Variants in TCF12 observed in about 807,000 individuals in gnomAD.
TCF12 encodes transcription factor 12, also known as DNA-binding protein HTF4.
Under a neutral mutation model 86.0 loss-of-function variants are expected in TCF12, and 45 were observed. That is an observed-to-expected ratio of 0.52 (90% CI 0.41 to 0.67). The LOEUF (loss-of-function observed/expected upper bound fraction) is 0.67. Among genes scored for constraint, TCF12 ranks in the 30% least tolerant of loss-of-function variants. The pLI is 0.00. For missense variants in TCF12, 881 were observed against 859.9 expected, an observed-to-expected ratio of 1.02 and a Z score of -0.31; for synonymous variants, 330 against 299.6, an observed-to-expected ratio of 1.10 and a Z score of -1.05.
At chr15:56,921,166 A>T in intron 3 of TCF12, 68 bp downstream of exon 3, 1 of 1,208,920 alleles carries the variant, frequency 8.3e-7, no homozygotes. Context: ...GAAAAATAGA[A>T]AGCATAACAT....
chr15:57,041,589 C>G (rs1465326199), intron 3 of TCF12, among the ~76,000 whole-genome samples: 1 of 152,070 alleles, frequency 6.6e-6, no homozygotes, highest in African/African-American at 2.4e-5. Context: ...AACCTGAAAA[C>G]AACAATGGCA....
At chr15:57,225,034 G>A (rs1379219423) in intron 8 of TCF12, among the ~76,000 whole-genome samples, 1 of 151,950 alleles carries the variant, frequency 6.6e-6, no homozygotes, top group Non-Finnish European at 1.5e-5. Context: ...TCTGTCATTT[G>A]TTGAAATATT....
chr15:57,170,631 TATATATATATA>T (rs1255746044), intron 6 of TCF12, among the ~76,000 whole-genome samples: 2 of 34,846 alleles, frequency 5.7e-5, no homozygotes, highest in East Asian at 1.2e-3. Flanking sequence ...GCTAATTTTA[TATATATATATA>T]ATATATATAT....
chr15:57,074,380 A>G (rs1279097744), intron 4 of TCF12, among the ~76,000 whole-genome samples: 1 of 140,904 alleles, frequency 7.1e-6, no homozygotes, highest in African/African-American at 2.6e-5. Context: ...AAAAAAAAAA[A>G]GATGTTAGGA....
chr15:57,067,533 C>T (rs1250467596), intron 4 of TCF12, among the ~76,000 whole-genome samples: 3 of 95,544 alleles, frequency 3.1e-5, no homozygotes, highest in South Asian at 4.0e-4. Flanking sequence ...AGCGAGACTC[C>T]GTCTCAAAAA....
chr15:56,994,848 A>G (rs115156421), intron 3 of TCF12, among the ~76,000 whole-genome samples: 193 of 152,262 alleles, frequency 1.3e-3, no homozygotes, highest in African/African-American at 4.3e-3. Flanking sequence ...AATTTATATC[A>G]GAAGAAAACT....
intron 5 of TCF12, among the ~76,000 whole-genome samples, chr15:57,126,440 A>G (rs1282474558): frequency 6.6e-6 from 1 of 152,094 alleles, no homozygotes; most frequent in Non-Finnish European, 1.5e-5. Flanking sequence ...CATAATCTCT[A>G]CTCTCCATCC....
chr15:57,122,281 A>G (rs1048935325), intron 5 of TCF12, among the ~76,000 whole-genome samples: 2 of 152,056 alleles, frequency 1.3e-5, no homozygotes, highest in East Asian at 1.9e-4. Context: ...AGCTTAAGCA[A>G]TCTTAGGAGA....
At chr15:57,166,016 T>C (rs2054866089) in intron 5 of TCF12, among the ~76,000 whole-genome samples, 1 of 151,764 alleles carries the variant, frequency 6.6e-6, no homozygotes, top group African/African-American at 2.4e-5. Flanking sequence ...ACATGCTACT[T>C]TATATAGCTC....
rs781347908 is a variant in TCF12, at chr15:57,038,579, C to A, written c.149-25171C>A. Among the ~76,000 whole-genome samples the A allele has an allele frequency of 2.6e-4, 39 of 152,202 alleles. 1 individual carries two copies. The highest frequency in any genetic ancestry group is 5.0e-4 in the Non-Finnish European group (34 of 68,024). ...GAGGTGATTCACCAGCCTGAAAATA[C>A]GCTTTTCATACCTTCGCATTCTTGC... is the stretch of plus-strand genomic sequence containing the variant. On this transcript the variant is annotated intron_variant, in intron 3 of 20. Coordinates refer to ENST00000333725, the MANE Select transcript of TCF12 (RefSeq NM_207037.2).
chr15:57,204,095 C>T (rs182075996), intron 8 of TCF12, among the ~76,000 whole-genome samples: 19 of 152,248 alleles, frequency 1.2e-4, no homozygotes, highest in African/African-American at 4.6e-4. Context: ...TGGTTTGATG[C>T]AGACAGTTAC....
chr15:57,245,410 C>G (rs1436933474), intron 13 of TCF12, among the ~76,000 whole-genome samples: 1 of 152,230 alleles, frequency 6.6e-6, no homozygotes, highest in Non-Finnish European at 1.5e-5. Flanking sequence ...AATGATGTAA[C>G]TCTAACCCTA....
chr15:57,217,029 G>A (rs980582184), intron 8 of TCF12, among the ~76,000 whole-genome samples: 1 of 151,976 alleles, frequency 6.6e-6, no homozygotes, highest in Non-Finnish European at 1.5e-5. Context: ...TTATATCTAT[G>A]CTCAATTTAG....
At chr15:56,947,563 T>G (rs1267309221) in intron 3 of TCF12, among the ~76,000 whole-genome samples, 1 of 152,202 alleles carries the variant, frequency 6.6e-6, no homozygotes. Flanking sequence ...ACCTAGTTTC[T>G]TTTTTCTCAG....
At chr15:57,089,096 A>G (rs1250155457) in intron 4 of TCF12, among the ~76,000 whole-genome samples, 1 of 152,188 alleles carries the variant, frequency 6.6e-6, no homozygotes, top group East Asian at 1.9e-4. Context: ...TAAAACTGTG[A>G]CAAACATTTT....
intron 3 of TCF12, among the ~76,000 whole-genome samples, chr15:56,957,910 C>T (rs371324574): frequency 1.0e-3 from 152 of 152,268 alleles, no homozygotes; most frequent in African/African-American, 3.4e-3. Flanking sequence ...GAGCAGTGCT[C>T]AGTCTAGGGT....
At chr15:57,155,155 A>G (rs559968731) in intron 5 of TCF12, among the ~76,000 whole-genome samples, 3 of 152,280 alleles carry the variant, frequency 2.0e-5, no homozygotes, top group East Asian at 3.9e-4. Flanking sequence ...CCTTCTCTCT[A>G]ATTTACTGTT....
chr15:57,247,605 AC>A, intron 13 of TCF12: 1 of 827,064 alleles, frequency 1.2e-6, no homozygotes, highest in African/African-American at 1.7e-5. Flanking sequence ...ATCTTGCCAT[AC>A]TTTTCAAAGT....
At chr15:57,259,371 A>G (rs2060483764) in intron 16 of TCF12, among the ~76,000 whole-genome samples, 1 of 152,226 alleles carries the variant, frequency 6.6e-6, no homozygotes, top group Non-Finnish European at 1.5e-5. Context: ...GTATTCAGTG[A>G]ATGGTACAAA....
Sources: gnomAD v4.1 joint callset for allele counts (sites outside exome capture counted in the v4.1 genomes callset) on GRCh38, gnomAD v4.1.1 for gene constraint, MANE v1.5 for transcripts, NCBI Gene and HGNC (gene_info 2026-07-23, HGNC 2026-07-21) for gene names.